FHIP1A: variants seen among roughly 807,000 people sequenced by gnomAD.
FHIP1A encodes FHF complex subunit HOOK-interacting protein 1A.
In FHIP1A, 61 loss-of-function variants were observed where a neutral mutation model predicts 88.6. The observed-to-expected ratio is 0.69, with a 90% CI of 0.56 to 0.85. FHIP1A has a LOEUF of 0.85. FHIP1A is among the 40% of genes least tolerant of loss of function. The pLI is 0.00. For missense variants in FHIP1A, 1,154 were observed against 1,273.5 expected (o/e 0.91, Z 1.43); for synonymous variants, 478 against 496.0 (o/e 0.96, Z 0.48).
At chr4:151,514,915 A>G (rs868276311) in intron 3 of FHIP1A, among the ~76,000 whole-genome samples, 63 of 152,330 alleles carry the variant, frequency 4.1e-4, no homozygotes, top group Middle Eastern at 3.4e-3. Flanking sequence ...AAATATTCCA[A>G]TCAATAGAAA....
chr4:151,504,833 G>C (rs1044464080), intron 3 of FHIP1A, among the ~76,000 whole-genome samples: 1 of 152,148 alleles, frequency 6.6e-6, no homozygotes, highest in Non-Finnish European at 1.5e-5. Flanking sequence ...GGCCAGGCTG[G>C]TCTCAAACTG....
intron 2 of FHIP1A, among the ~76,000 whole-genome samples, chr4:151,479,812 TC>T (rs1318878462): frequency 3.8e-4 from 58 of 152,204 alleles, no homozygotes; most frequent in Admixed American, 1.2e-3. Flanking sequence ...TTAGCATATT[TC>T]TGAACTTGAC....
chr4:151,439,016 G>A (rs150228618), intron 1 of FHIP1A, among the ~76,000 whole-genome samples: 153 of 152,184 alleles, frequency 1.0e-3, no homozygotes, highest in Middle Eastern at 3.4e-3. Context: ...TGAAACACCC[G>A]TGTACTCAGC....
chr4:151,606,477 G>A (rs1735078907), intron 7 of FHIP1A, among the ~76,000 whole-genome samples: 1 of 152,184 alleles, frequency 6.6e-6, no homozygotes, highest in Non-Finnish European at 1.5e-5. Flanking sequence ...TTTAAATTTG[G>A]TGGTTCTTTG....
intron 2 of FHIP1A, among the ~76,000 whole-genome samples, chr4:151,477,232 A>G (rs1445760545): frequency 6.6e-6 from 1 of 152,246 alleles, no homozygotes; most frequent in Non-Finnish European, 1.5e-5. Flanking sequence ...GCCAGATACC[A>G]TATTTAGCAT....
intron 1 of FHIP1A, among the ~76,000 whole-genome samples, chr4:151,440,534 G>A (rs556515580): frequency 6.6e-5 from 10 of 152,192 alleles, no homozygotes; most frequent in Admixed American, 5.2e-4. Flanking sequence ...CTACCTCCAT[G>A]TTGTCAAGAG....
intron 3 of FHIP1A, among the ~76,000 whole-genome samples, chr4:151,509,049 T>A: frequency 6.6e-6 from 1 of 152,196 alleles, no homozygotes; most frequent in Admixed American, 6.5e-5. Context: ...GGATGGGGCT[T>A]CCCATGTACA....
chr4:151,596,364 C>T (rs1734647991), intron 7 of FHIP1A, among the ~76,000 whole-genome samples: 3 of 152,214 alleles, frequency 2.0e-5, no homozygotes, highest in South Asian at 4.1e-4. Context: ...TCTCCTCTGG[C>T]TTGTAGGGTT....
At chr4:151,662,448 G>A in intron 13 of FHIP1A, 53 bp from the exon 14 acceptor site, 3 of 1,459,258 alleles carry the variant, frequency 2.1e-6, no homozygotes, top group Non-Finnish European at 2.7e-6. Flanking sequence ...ACTGAAGAGG[G>A]TGGATTAGAA....
At chr4:151,487,615 T>C (rs1263184896) in intron 3 of FHIP1A, among the ~76,000 whole-genome samples, 2 of 152,228 alleles carry the variant, frequency 1.3e-5, no homozygotes, top group Non-Finnish European at 2.9e-5. Flanking sequence ...TATTGGTAAA[T>C]GGCATCACCA....
rs1252039389 is a variant in FHIP1A, at chr4:151,662,635, A to T, written c.3004A>T (p.Asn1002Tyr). ...CCCCAACCTGCCCCTGCCGGTGAGGAACCCCATGCTGGCTGCTGCCCTCTT... is the reference window on the plus strand; with the variant it reads ...CCCCAACCTGCCCCTGCCGGTGAGGTACCCCATGCTGGCTGCTGCCCTCTT... ...APPNLPLPVR[N>Y]PMLAAALFPE... The change falls in exon 14 of 14, where the codon AAC becomes TAC. Residue 1002 changes from asparagine to tyrosine, a missense_variant. Physicochemically the swap from Asn to Tyr is moderately radical, Grantham distance 143. Coordinates refer to ENST00000435205, the MANE Select transcript of FHIP1A (RefSeq NM_001109977.3). The T allele has an allele frequency of 3.9e-6, 6 of 1,551,456 alleles. No individual in the cohort carries two copies. In the African/African-American group the frequency reaches 6.8e-5, roughly 18 times the overall value.
rs148222286 is a variant in FHIP1A at position 151,411,470 on chromosome 4, C to T, written c.-356+2005C>T. Among the ~76,000 whole-genome samples, 1,000 of 151,624 alleles carry T rather than the reference C, an allele frequency of 6.6e-3. 12 individuals are homozygous for T. The highest frequency in any genetic ancestry group is 0.024 in the African/African-American group (971 of 41,244). ...GCTCAGGCAGTCCTCCCACCTTAGC[C>T]TCCTGAGTAGCTGGGACCACAGGTT... On this transcript the variant is annotated intron_variant, in intron 1 of 13. Coordinates refer to ENST00000435205, the MANE Select transcript of FHIP1A (RefSeq NM_001109977.3).
At chr4:151,552,228 G>A (rs182419278) in intron 3 of FHIP1A, among the ~76,000 whole-genome samples, 139 of 152,250 alleles carry the variant, frequency 9.1e-4, no homozygotes, top group African/African-American at 3.2e-3. Context: ...ACTGTTGGTG[G>A]GACTGTAAAC....
intron 7 of FHIP1A, among the ~76,000 whole-genome samples, chr4:151,598,565 C>T (rs1034819149): frequency 6.6e-6 from 1 of 152,162 alleles, no homozygotes; most frequent in Non-Finnish European, 1.5e-5. Flanking sequence ...CAGCCTTATG[C>T]ATTCTCTCAA....
chr4:151,424,358 CTGGA>C (rs1418428809), intron 1 of FHIP1A, among the ~76,000 whole-genome samples: 1 of 152,078 alleles, frequency 6.6e-6, no homozygotes, highest in Non-Finnish European at 1.5e-5. Flanking sequence ...AGGAGGAGTG[CTGGA>C]TGGCAAGAGC....
At chr4:151,575,448 G>A (rs1733750704) in intron 4 of FHIP1A, among the ~76,000 whole-genome samples, 1 of 152,148 alleles carries the variant, frequency 6.6e-6, no homozygotes, top group Non-Finnish European at 1.5e-5. Flanking sequence ...GTCACCAGGT[G>A]CAAGGAATCC....
At chr4:151,469,887 T>C (rs1446769843) in intron 2 of FHIP1A, among the ~76,000 whole-genome samples, 2 of 152,204 alleles carry the variant, frequency 1.3e-5, no homozygotes, top group South Asian at 4.1e-4. Flanking sequence ...CATCACCTCA[T>C]TTTCATTAGA....
chr4:151,577,247 C>G (rs1194213903), intron 4 of FHIP1A, among the ~76,000 whole-genome samples: 1 of 152,078 alleles, frequency 6.6e-6, no homozygotes, highest in Non-Finnish European at 1.5e-5. Context: ...AAGTAAACAT[C>G]TTCAGACATC....
chr4:151,654,072 GTT>G (rs758206414), intron 11 of FHIP1A, among the ~76,000 whole-genome samples: 27 of 139,770 alleles, frequency 1.9e-4, no homozygotes, highest in Non-Finnish European at 1.6e-4. Flanking sequence ...GTTAAGCAGG[GTT>G]TTTTTTTTTT....
Sources: gnomAD v4.1 joint callset for allele counts (sites outside exome capture counted in the v4.1 genomes callset) on GRCh38, gnomAD v4.1.1 for gene constraint, MANE v1.5 for transcripts, NCBI Gene and HGNC (gene_info 2026-07-23, HGNC 2026-07-21) for gene names.